The following SRRM4 variants were observed in gnomAD, a reference collection of about 807,000 sequenced individuals.
SRRM4 encodes serine/arginine repetitive matrix protein 4.
A neutral mutation model predicts 68.9 loss-of-function variants in SRRM4; 33 were observed. The ratio of observed to expected loss-of-function variants is 0.48; its 90% CI spans 0.36 to 0.64. SRRM4 has a LOEUF of 0.64. Ranked by LOEUF, SRRM4 falls within the 30% of genes least tolerant of loss-of-function variation. SRRM4 has a pLI of 0.00. For missense variants in SRRM4, 817 were observed against 827.1 expected (o/e 0.99, Z 0.15); for synonymous variants, 318 against 318.8 (o/e 1.00, Z 0.03).
chr12:119,044,247 T>C (rs10849622), intron 1 of SRRM4, among the ~76,000 whole-genome samples: 5,746 of 152,264 alleles, frequency 0.038, 197 homozygotes, highest in East Asian at 0.12. Flanking sequence ...GAAGACTTTC[T>C]ATGTCAGTGG....
At chr12:119,040,510 A>G (rs914427051) in intron 1 of SRRM4, among the ~76,000 whole-genome samples, 1 of 152,208 alleles carries the variant, frequency 6.6e-6, no homozygotes, top group Non-Finnish European at 1.5e-5. Context: ...CATCCAGGTC[A>G]TTGCAAATGC....
At chr12:119,143,001 C>T (rs1954375586) in intron 8 of SRRM4, among the ~76,000 whole-genome samples, 1 of 152,194 alleles carries the variant, frequency 6.6e-6, no homozygotes, top group Non-Finnish European at 1.5e-5. Context: ...CCAGAGCAAC[C>T]TTATTTTGAG....
At chr12:119,049,642 T>G (rs544316347) in intron 1 of SRRM4, among the ~76,000 whole-genome samples, 2 of 152,336 alleles carry the variant, frequency 1.3e-5, no homozygotes, top group East Asian at 3.9e-4. Flanking sequence ...TGTATCAGTT[T>G]TCTAGAACTA....
In SRRM4 at chr12:119,028,537, A is replaced by G. The variant is rs531192039; in HGVS notation, c.131+46524A>G. 1.5e-4 allele frequency among the ~76,000 whole-genome samples: 23 copies of G among 152,326 alleles called. No individual in the cohort carries two copies. The South Asian group carries it at 4.8e-3, about 32-fold the overall frequency. ...CCATGATTGTGAGGCCTCCCCAGCCACACAGAACTTGAGTGCATTAAGCCT... is the reference window on the plus strand; with the variant it reads ...CCATGATTGTGAGGCCTCCCCAGCCGCACAGAACTTGAGTGCATTAAGCCT... On this transcript the variant is annotated intron_variant, in intron 1 of 12. Coordinates refer to ENST00000267260, the MANE Select transcript of SRRM4 (RefSeq NM_194286.4).
At chr12:119,010,830 A>G (rs1282567724) in intron 1 of SRRM4, among the ~76,000 whole-genome samples, 1 of 152,258 alleles carries the variant, frequency 6.6e-6, no homozygotes, top group Non-Finnish European at 1.5e-5. Context: ...ATGCATAATT[A>G]TGGAATACAA....
At chr12:119,123,810 C>A (rs576589448) in intron 6 of SRRM4, among the ~76,000 whole-genome samples, 1 of 152,288 alleles carries the variant, frequency 6.6e-6, no homozygotes, top group South Asian at 2.1e-4. Flanking sequence ...ATGTGACTGG[C>A]CTTGCGCTGG....
At chr12:119,126,104 A>C (rs1240242624) in intron 7 of SRRM4, among the ~76,000 whole-genome samples, 11 of 126,016 alleles carry the variant, frequency 8.7e-5, no homozygotes, top group African/African-American at 3.1e-4. Flanking sequence ...GCTCACTGCA[A>C]CCTCCACCTC....
At chr12:119,004,675 A>G (rs1017830369) in intron 1 of SRRM4, among the ~76,000 whole-genome samples, 1 of 151,918 alleles carries the variant, frequency 6.6e-6, no homozygotes, top group Non-Finnish European at 1.5e-5. Context: ...AGCCCATTCA[A>G]CAAGTCAGCC....
chr12:119,129,154 C>T (rs1052615899), intron 7 of SRRM4, among the ~76,000 whole-genome samples: 2 of 152,312 alleles, frequency 1.3e-5, no homozygotes, highest in African/African-American at 4.8e-5. Context: ...AGCTTCGGCT[C>T]CCTCATCTGT....
chr12:119,032,121 A>T (rs2136006522), intron 1 of SRRM4, among the ~76,000 whole-genome samples: 1 of 152,178 alleles, frequency 6.6e-6, no homozygotes, highest in East Asian at 1.9e-4. Context: ...CACTCTTCTC[A>T]CCTGAGCAAT....
intron 1 of SRRM4, among the ~76,000 whole-genome samples, chr12:118,982,971 C>A (rs1953259938): frequency 6.6e-6 from 1 of 152,094 alleles, no homozygotes; most frequent in African/African-American, 2.4e-5. Context: ...AGTATGAAAA[C>A]TCATCTTTTG....
intron 1 of SRRM4, among the ~76,000 whole-genome samples, chr12:119,004,099 A>G (rs1160182042): frequency 6.6e-6 from 1 of 151,982 alleles, no homozygotes; most frequent in Non-Finnish European, 1.5e-5. Flanking sequence ...CTTATTCTAA[A>G]TATCCACCTT....
intron 1 of SRRM4, among the ~76,000 whole-genome samples, chr12:119,014,565 G>T (rs1427354082): frequency 6.6e-6 from 1 of 152,176 alleles, no homozygotes; most frequent in Non-Finnish European, 1.5e-5. Flanking sequence ...GATCCAAGCT[G>T]CAGTTGGCAA....
intron 1 of SRRM4, chr12:119,031,338 G>C (rs1472820135): frequency 6.6e-6 from 1 of 151,070 alleles, no homozygotes; most frequent in African/African-American, 2.5e-5. Context: ...AATGGAAAGA[G>C]TCAGATAGTA....
intron 4 of SRRM4, among the ~76,000 whole-genome samples, chr12:119,119,422 G>A (rs532128706): frequency 8.6e-4 from 131 of 151,686 alleles, no homozygotes; most frequent in Admixed American, 1.4e-3. Context: ...CCCTGATGAT[G>A]ATAAGCTCAG....
chr12:118,982,234 A>AC (rs1038267251), intron 1 of SRRM4, among the ~76,000 whole-genome samples: 10 of 151,668 alleles, frequency 6.6e-5, no homozygotes, highest in African/African-American at 2.4e-4. Context: ...CGCTTATTGG[A>AC]CCCCCGTAGC....
intron 8 of SRRM4, 88 bp from the exon 9 acceptor site, chr12:119,145,293 C>A: frequency 1.8e-6 from 2 of 1,116,860 alleles, no homozygotes; most frequent in African/African-American, 1.6e-5. Flanking sequence ...CGTTACAGTG[C>A]ATCATGACGG....
intron 1 of SRRM4, among the ~76,000 whole-genome samples, chr12:119,072,341 T>C (rs1953883128): frequency 6.6e-6 from 1 of 152,120 alleles, no homozygotes; most frequent in African/African-American, 2.4e-5. Context: ...GACCTAAAAA[T>C]AGCCCCTTCC....
At chr12:119,082,725 G>A (rs1402719220) in intron 1 of SRRM4, among the ~76,000 whole-genome samples, 2 of 152,224 alleles carry the variant, frequency 1.3e-5, no homozygotes, top group Admixed American at 6.5e-5. Context: ...CTGGCAGAGT[G>A]AGCAGTGACA....
Sources: allele counts gnomAD v4.1 joint callset (sites outside exome capture counted in the v4.1 genomes callset), GRCh38; gene constraint gnomAD v4.1.1; transcripts MANE v1.5; gene names NCBI Gene and HGNC (gene_info 2026-07-23, HGNC 2026-07-21).